The following ELOVL6 variants were observed in gnomAD, a reference collection of about 807,000 sequenced individuals.
ELOVL6 encodes the protein very long chain fatty acid elongase 6.
Under a neutral mutation model 31.7 loss-of-function variants are expected in ELOVL6, and 8 were observed. The observed-to-expected ratio is 0.25, with a 90% CI of 0.15 to 0.45. The LOEUF (loss-of-function observed/expected upper bound fraction) is 0.45, where lower values mean the gene tolerates loss of function less well. ELOVL6 is among the 20% of genes least tolerant of loss of function. The pLI is 1.00. For synonymous variants in ELOVL6, 101 were observed against 117.7 expected, an observed-to-expected ratio of 0.86 and a Z score of 0.92; for missense variants, 126 against 326.4, an observed-to-expected ratio of 0.39 and a Z score of 4.73.
chr4:110,046,391 C>T lies in ELOVL6; in HGVS notation c.*4947G>A, dbSNP rs756231996. On this transcript the variant is annotated 3_prime_UTR_variant, in exon 4 of 4. Coordinates refer to ENST00000302274, the MANE Select transcript of ELOVL6 (RefSeq NM_024090.3). ...ATATATTTTACTGTGAGACTTCTGCCTGCCCAGCCTAAAATCAAAGTGCCA... is the reference window on the plus strand; with the variant it reads ...ATATATTTTACTGTGAGACTTCTGCTTGCCCAGCCTAAAATCAAAGTGCCA... 3 of 152,194 alleles carry T rather than the reference C, an allele frequency of 2.0e-5. No individual in the cohort carries two copies. The highest frequency in any genetic ancestry group is 2.9e-5 in the Non-Finnish European group (2 of 68,062). 9.4% of individuals were successfully genotyped at this position (152,194 alleles called of 1,614,324 possible). A position where few individuals can be genotyped will look rare whatever the true frequency, so the allele number is the denominator to read the frequency against.
In ELOVL6 at chr4:110,048,958, A is replaced by G. The variant is rs1754768071; in HGVS notation, c.*2380T>C. On this transcript the variant is annotated 3_prime_UTR_variant, in exon 4 of 4. Transcript: ENST00000302274. ...AACCTGCATTAAGAGATCTGCAATA[A>G]ATCACTCAATTAAATAATTAAATCA... 6.6e-6 allele frequency: 1 copy of G among 152,198 alleles called. No homozygotes were observed. The highest frequency in any genetic ancestry group is 2.4e-5 in the African/African-American group (1 of 41,448). 9.4% of individuals were successfully genotyped at this position (152,198 alleles called of 1,614,324 possible).
chr4:110,084,031 T>C (rs1253153373), intron 2 of ELOVL6, among the ~76,000 whole-genome samples: 3 of 69,830 alleles, frequency 4.3e-5, no homozygotes, highest in South Asian at 9.0e-4. Flanking sequence ...ATATGCCATA[T>C]ATGGTATATA....
At chr4:110,095,531 G>C (rs1250518876) in intron 2 of ELOVL6, among the ~76,000 whole-genome samples, 3 of 151,046 alleles carry the variant, frequency 2.0e-5, no homozygotes, top group Non-Finnish European at 4.4e-5. Flanking sequence ...AGGTGTGTCT[G>C]TTTTGCAGGA....
chr4:110,174,368 G>A (rs979641267), intron 1 of ELOVL6, among the ~76,000 whole-genome samples: 1 of 152,088 alleles, frequency 6.6e-6, no homozygotes. Flanking sequence ...GTTTCACCAT[G>A]TTGGCCAGGC....
intron 1 of ELOVL6, among the ~76,000 whole-genome samples, chr4:110,183,649 G>A (rs1450507810): frequency 6.6e-6 from 1 of 151,678 alleles, no homozygotes; most frequent in African/African-American, 2.4e-5. Flanking sequence ...TTTCTTCCAG[G>A]TTTTTTTCTT....
At chr4:110,151,109 T>C (rs1471064572) in intron 1 of ELOVL6, among the ~76,000 whole-genome samples, 1 of 152,132 alleles carries the variant, frequency 6.6e-6, no homozygotes, top group African/African-American at 2.4e-5. Flanking sequence ...TCAGCACCTT[T>C]TAATTGCATA....
chr4:110,167,337 GTCTC>G (rs35383576), intron 1 of ELOVL6, among the ~76,000 whole-genome samples: 18,965 of 152,146 alleles, frequency 0.12, 1,261 homozygotes, highest in African/African-American at 0.15. Context: ...CTGTAAATAT[GTCTC>G]TCTCTGTGTG....
chr4:110,089,589 A>G lies in ELOVL6; in HGVS notation c.221+15908T>C, dbSNP rs78588962. ...ATGTCAAACTTCTGGATTTCCTGAT[A>G]ATTGAAATTCACTCCTAAGAGATAG... On this transcript the variant is annotated intron_variant, in intron 2 of 3. Transcript: ENST00000302274. 4.1e-3 allele frequency among the ~76,000 whole-genome samples: 624 copies of G among 152,304 alleles called. 2 individuals are homozygous for G. Among genetic ancestry groups the G allele is most frequent in the African/African-American group, 0.014 (574 of 41,570 alleles).
intron 1 of ELOVL6, among the ~76,000 whole-genome samples, chr4:110,111,587 A>T (rs1757038320): frequency 6.6e-6 from 1 of 152,212 alleles, no homozygotes; most frequent in South Asian, 2.1e-4. Flanking sequence ...AGAAAAATTT[A>T]CATGGTAACA....
intron 1 of ELOVL6, among the ~76,000 whole-genome samples, chr4:110,157,485 A>G (rs1352326419): frequency 6.6e-6 from 1 of 152,152 alleles, no homozygotes; most frequent in Non-Finnish European, 1.5e-5. Context: ...AGCCTGGCCA[A>G]GATAGTGAAA....
At chr4:110,172,899 G>A (rs1758996028) in intron 1 of ELOVL6, among the ~76,000 whole-genome samples, 1 of 152,010 alleles carries the variant, frequency 6.6e-6, no homozygotes, top group Non-Finnish European at 1.5e-5. Context: ...ATACTCCCTG[G>A]ACCTCCCAAA....
At position 110,131,469 on chromosome 4, in the gene ELOVL6, G is replaced by A. The variant is rs141717942; in HGVS notation, c.90-25841C>T. ...AGTAACAAATCCAAGTTAATACAGC[G>A]TATGTGAACTCAAAAACATGAACGA... On this transcript the variant is annotated intron_variant, in intron 1 of 3. Coordinates refer to ENST00000302274, the MANE Select transcript of ELOVL6 (RefSeq NM_024090.3). 2.2e-4 allele frequency among the ~76,000 whole-genome samples: 34 copies of A among 152,212 alleles called. No homozygotes were observed. In the East Asian group the frequency reaches 6.0e-3, roughly 27 times the overall value.
At chr4:110,177,474 A>ATAAT (rs201966006) in intron 1 of ELOVL6, among the ~76,000 whole-genome samples, 4 of 151,672 alleles carry the variant, frequency 2.6e-5, no homozygotes, top group Non-Finnish European at 4.4e-5. Context: ...AATAATAATA[A>ATAAT]AATAAGAGCA....
At position 110,084,580 on chromosome 4, in the gene ELOVL6, ATATATATATTTTTTTTT is replaced by A. The variant is rs1560815908; in HGVS notation, c.221+20900_221+20916del. Among the ~76,000 whole-genome samples the A allele has an allele frequency of 2.0e-3, 111 of 55,326 alleles. 1 individual carries two copies. Among genetic ancestry groups the A allele is most frequent in the Non-Finnish European group, 2.8e-3 (97 of 35,214 alleles). 36.3% of individuals were successfully genotyped at this position (55,326 alleles called of 152,430 possible). On this transcript the variant is annotated intron_variant, in intron 2 of 3. Transcript: ENST00000302274. ...CACACACAGATATATATATATATAT[ATATATATATTTTTTTTT>A]TTTTTTTTTTTTTTTGAGATGGAGT...
At chr4:110,165,496 C>G (rs1758750124) in intron 1 of ELOVL6, among the ~76,000 whole-genome samples, 1 of 152,196 alleles carries the variant, frequency 6.6e-6, no homozygotes, top group Non-Finnish European at 1.5e-5. Flanking sequence ...ATCAAATCCT[C>G]CATTTTAATA....
At chr4:110,178,138 A>G (rs1759165442) in intron 1 of ELOVL6, among the ~76,000 whole-genome samples, 1 of 152,168 alleles carries the variant, frequency 6.6e-6, no homozygotes, top group Non-Finnish European at 1.5e-5. Flanking sequence ...AAATTCTCTC[A>G]TTTACAGTTT....
At chr4:110,108,743 T>C (rs532785968) in intron 1 of ELOVL6, among the ~76,000 whole-genome samples, 2 of 152,346 alleles carry the variant, frequency 1.3e-5, no homozygotes, top group South Asian at 2.1e-4. Context: ...AAAATAATTG[T>C]ATAAGCTATA....
intron 1 of ELOVL6, chr4:110,197,986 C>T (rs1406773194): frequency 3.5e-6 from 2 of 566,274 alleles, no homozygotes; most frequent in Non-Finnish European, 6.3e-6. Flanking sequence ...TGTGCACACA[C>T]ATATGTTCTG....
intron 2 of ELOVL6, among the ~76,000 whole-genome samples, chr4:110,080,509 G>A (rs1001468742): frequency 2.6e-5 from 4 of 152,178 alleles, no homozygotes; most frequent in African/African-American, 9.7e-5. Flanking sequence ...TATCTCAATA[G>A]ATGCAGAAAA....
Sources: allele counts gnomAD v4.1 joint callset (sites outside exome capture counted in the v4.1 genomes callset), GRCh38; gene constraint gnomAD v4.1.1; transcripts MANE v1.5; gene names NCBI Gene and HGNC (gene_info 2026-07-23, HGNC 2026-07-21).